Variants in VAV3 observed in about 807,000 individuals in gnomAD.
VAV3 encodes vav guanine nucleotide exchange factor 3.
VAV3 carries 94 observed loss-of-function variants against 131.2 expected under a neutral mutation model. The ratio of observed to expected loss-of-function variants is 0.72; its 90% CI spans 0.61 to 0.85. VAV3 has a LOEUF of 0.85. VAV3 is among the 40% of genes least tolerant of loss of function. The pLI is 0.00. For missense variants in VAV3, 939 were observed against 1,002.7 expected, an observed-to-expected ratio of 0.94 and a Z score of 0.86; for synonymous variants, 349 against 342.0, an observed-to-expected ratio of 1.02 and a Z score of -0.22.
intron 24 of VAV3, among the ~76,000 whole-genome samples, chr1:107,598,373 A>C (rs1421463244): frequency 6.6e-6 from 1 of 152,086 alleles, no homozygotes; most frequent in Non-Finnish European, 1.5e-5. Flanking sequence ...AAACAAAACA[A>C]AACACCAAAA....
chr1:107,819,061 G>GA (rs1468331335), intron 2 of VAV3, among the ~76,000 whole-genome samples: 19 of 151,558 alleles, frequency 1.3e-4, no homozygotes, highest in Admixed American at 3.9e-4. Context: ...CTCAAGTTTG[G>GA]AAAAAAAATA....
At chr1:107,753,476 G>A (rs940478993) in intron 12 of VAV3, among the ~76,000 whole-genome samples, 4 of 110,880 alleles carry the variant, frequency 3.6e-5, no homozygotes, top group African/African-American at 1.0e-4. Flanking sequence ...GTGTATGTAT[G>A]TGTGTGTGTA....
At chr1:107,776,865 A>C (rs959544066) in intron 4 of VAV3, among the ~76,000 whole-genome samples, 2 of 152,152 alleles carry the variant, frequency 1.3e-5, no homozygotes, top group Non-Finnish European at 2.9e-5. Context: ...ACCCACACTT[A>C]TCTCTCCCTT....
intron 1 of VAV3, among the ~76,000 whole-genome samples, chr1:107,882,770 G>A (rs531184191): frequency 1.3e-5 from 2 of 152,208 alleles, no homozygotes; most frequent in African/African-American, 4.8e-5. Flanking sequence ...AACAGAAGGG[G>A]CATCATCATC....
At chr1:107,902,483 G>A (rs1671907131) in intron 1 of VAV3, among the ~76,000 whole-genome samples, 2 of 152,154 alleles carry the variant, frequency 1.3e-5, no homozygotes, top group Non-Finnish European at 2.9e-5. Context: ...ACCATCCCCT[G>A]TTTTCTGCCC....
chr1:107,960,373 C>G, intron 1 of VAV3, among the ~76,000 whole-genome samples: 1 of 151,550 alleles, frequency 6.6e-6, no homozygotes, highest in East Asian at 1.9e-4. Context: ...GGCTCAGGAA[C>G]GAGAAACTCT....
At chr1:107,627,263 T>A (rs1377128701) in intron 20 of VAV3, among the ~76,000 whole-genome samples, 1 of 152,212 alleles carries the variant, frequency 6.6e-6, no homozygotes, top group Non-Finnish European at 1.5e-5. Context: ...GTATCCTGGG[T>A]CTTCCTCAAT....
chr1:107,633,776 C>T (rs114961254), intron 20 of VAV3, among the ~76,000 whole-genome samples: 4,524 of 152,116 alleles, frequency 0.03, 237 homozygotes, highest in African/African-American at 0.1. Flanking sequence ...AAGTACCCTG[C>T]GATCACCATG....
At chr1:107,684,903 A>G (rs1294659279) in intron 18 of VAV3, among the ~76,000 whole-genome samples, 2 of 152,242 alleles carry the variant, frequency 1.3e-5, no homozygotes, top group Admixed American at 1.3e-4. Context: ...ACTCTATATA[A>G]ACAACATCGA....
intron 19 of VAV3, among the ~76,000 whole-genome samples, chr1:107,673,054 T>C (rs151137098): frequency 9.9e-4 from 151 of 152,276 alleles, no homozygotes; most frequent in African/African-American, 3.3e-3. Context: ...TAAATAATAA[T>C]CAGCCATATG....
chr1:107,858,955 GT>G (rs1421118422), intron 2 of VAV3, among the ~76,000 whole-genome samples: 1 of 152,052 alleles, frequency 6.6e-6, no homozygotes, highest in African/African-American at 2.4e-5. Flanking sequence ...CTTAAATACT[GT>G]CTAAATAATT....
At chr1:107,838,833 G>C (rs1303552897) in intron 2 of VAV3, among the ~76,000 whole-genome samples, 4 of 152,094 alleles carry the variant, frequency 2.6e-5, no homozygotes, top group African/African-American at 9.7e-5. Context: ...TAGCCTAGGT[G>C]AACTAACACA....
At chr1:107,621,394 G>C (rs571818939) in intron 20 of VAV3, among the ~76,000 whole-genome samples, 28 of 152,034 alleles carry the variant, frequency 1.8e-4, no homozygotes, top group African/African-American at 6.3e-4. Context: ...AACATTTGGA[G>C]AATTCAAAAC....
At chr1:107,788,834 C>T (rs997010332) in intron 2 of VAV3, among the ~76,000 whole-genome samples, 3 of 152,186 alleles carry the variant, frequency 2.0e-5, no homozygotes, top group Non-Finnish European at 4.4e-5. Context: ...ATTTGCAAAT[C>T]CTTCTCTGCC....
chr1:107,624,194 C>G (rs1466099947), intron 20 of VAV3, among the ~76,000 whole-genome samples: 1 of 152,088 alleles, frequency 6.6e-6, no homozygotes, highest in East Asian at 1.9e-4. Context: ...GAGATGAATA[C>G]AACACTGGAA....
At chr1:107,926,393 T>C (rs1673161536) in intron 1 of VAV3, among the ~76,000 whole-genome samples, 1 of 152,090 alleles carries the variant, frequency 6.6e-6, no homozygotes, top group Non-Finnish European at 1.5e-5. Flanking sequence ...AGCAAGATGG[T>C]GGAATAGAAG....
chr1:107,581,849 C>T (rs1413389877), intron 25 of VAV3, among the ~76,000 whole-genome samples: 5 of 152,130 alleles, frequency 3.3e-5, no homozygotes, highest in African/African-American at 1.2e-4. Flanking sequence ...CATTGGAAAC[C>T]AACCTAATCG....
chr1:107,827,128 T>C (rs1449047121), intron 2 of VAV3, among the ~76,000 whole-genome samples: 1 of 152,206 alleles, frequency 6.6e-6, no homozygotes. Context: ...ACCTGTTTTC[T>C]ACCCTGAACT....
intron 15 of VAV3, among the ~76,000 whole-genome samples, chr1:107,720,468 A>AGGAGTTTG (rs1293203670): frequency 6.7e-6 from 1 of 149,040 alleles, no homozygotes; most frequent in African/African-American, 2.4e-5. Flanking sequence ...AAAAAAAAAA[A>AGGAGTTTG]AGGAGTTTGA....
Sources: gnomAD v4.1 joint callset for allele counts (sites outside exome capture counted in the v4.1 genomes callset) on GRCh38, gnomAD v4.1.1 for gene constraint, MANE v1.5 for transcripts, NCBI Gene and HGNC (gene_info 2026-07-23, HGNC 2026-07-21) for gene names.